Variants in RNF144B observed in about 807,000 individuals in gnomAD.
RNF144B encodes E3 ubiquitin-protein ligase RNF144B.
In RNF144B, 25 loss-of-function variants were observed where a neutral mutation model predicts 40.2. The observed-to-expected ratio is 0.62, with a 90% CI of 0.45 to 0.87. The LOEUF (loss-of-function observed/expected upper bound fraction) is 0.87, where lower values mean the gene tolerates loss of function less well. RNF144B is among the 40% of genes least tolerant of loss of function. The pLI is 0.00. For missense variants in RNF144B, 365 were observed against 373.7 expected (o/e 0.98, Z 0.19); for synonymous variants, 145 against 136.3 (o/e 1.06, Z -0.44).
chr6:18,458,586 C>T lies in RNF144B; in HGVS notation c.537-1021C>T, dbSNP rs181619466. Among the ~76,000 whole-genome samples, 19 of 152,188 alleles carry T rather than the reference C, an allele frequency of 1.2e-4. No individual in the cohort carries two copies. The East Asian group carries it at 1.7e-3, about 14-fold the overall frequency. ...AAGCTCCGTGGGTATCACAGGGCAA[C>T]GTAAAGAACTCAGAGGATAGGAGGA... On this transcript the variant is annotated intron_variant, in intron 5 of 7. Transcript: ENST00000259939. The surrounding 1 kb of genome is among the most constrained non-coding windows in gnomAD (Gnocchi z 4.8).
intron 4 of RNF144B, among the ~76,000 whole-genome samples, chr6:18,452,002 A>G (rs924719287): frequency 6.6e-6 from 1 of 152,192 alleles, no homozygotes; most frequent in Non-Finnish European, 1.5e-5. Flanking sequence ...AGAAATCATA[A>G]CATACTTTCA....
At position 18,459,171 on chromosome 6, in the gene RNF144B, T is replaced by G. The variant is rs1427907327; in HGVS notation, c.537-436T>G. Among the ~76,000 whole-genome samples, 3 of 152,212 alleles carry G rather than the reference T, an allele frequency of 2.0e-5. No individual in the cohort carries two copies. The highest frequency in any genetic ancestry group is 4.4e-5 in the Non-Finnish European group (3 of 68,038). On this transcript the variant is annotated intron_variant, in intron 5 of 7. Transcript: ENST00000259939. The surrounding 1 kb of genome is among the most constrained non-coding windows in gnomAD (Gnocchi z 4.2). ...TCTATTCGTCTGTTTGGAGAAGGTC[T>G]TTTGAAAGTATTTGACATTATTTTA...
chr6:18,422,460 G>A lies in RNF144B; in HGVS notation c.166-5121G>A, dbSNP rs1379703152. Among the ~76,000 whole-genome samples, 1 of 152,144 alleles carries A rather than the reference G, an allele frequency of 6.6e-6. No homozygotes were observed. The highest frequency in any genetic ancestry group is 6.6e-5 in the Admixed American group (1 of 15,258). ...CCTGGAGTGATAAAAAGCAAAACAG[G>A]TACTCAAGACCTGTCTGGGCTTTGG... is the stretch of plus-strand genomic sequence containing the variant. On this transcript the variant is annotated intron_variant, in intron 2 of 7. Coordinates refer to ENST00000259939, the MANE Select transcript of RNF144B (RefSeq NM_182757.4). The surrounding 1 kb of genome is among the most constrained non-coding windows in gnomAD (Gnocchi z 4.7).
intron 3 of RNF144B, among the ~76,000 whole-genome samples, chr6:18,427,976 T>A (rs1390055424): frequency 1.3e-5 from 2 of 152,170 alleles, no homozygotes; most frequent in Non-Finnish European, 2.9e-5. Flanking sequence ...CTGATATGAT[T>A]TGGCTCTGTG....
rs1795058009 is a variant in RNF144B, at chr6:18,412,078, A to G, written c.165+12379A>G. Among the ~76,000 whole-genome samples the G allele has an allele frequency of 6.6e-6, 1 of 152,162 alleles. No individual in the cohort carries two copies. Among genetic ancestry groups the G allele is most frequent in the Non-Finnish European group, 1.5e-5 (1 of 68,030 alleles). ...TTATGAATACATTTTTTTTACTTATATAAATGTGAAAATACCTGTCCTTAG... is the reference window on the plus strand; with the variant it reads ...TTATGAATACATTTTTTTTACTTATGTAAATGTGAAAATACCTGTCCTTAG... On this transcript the variant is annotated intron_variant, in intron 2 of 7. Coordinates refer to ENST00000259939, the MANE Select transcript of RNF144B (RefSeq NM_182757.4). This position sits in a 1 kb window ranked among gnomAD's most constrained non-coding sequence, Gnocchi z 4.2.
rs1227242760 is a variant in RNF144B, at chr6:18,418,584, A to T, written c.166-8997A>T. The stretch of plus-strand genomic sequence containing the variant: ...TGTGCATGGAGGATCTGGGGGAGAA[A>T]TGGGGAGCATGTACTAATGGGCACA... On this transcript the variant is annotated intron_variant, in intron 2 of 7. Transcript: ENST00000259939. This position sits in a 1 kb window ranked among gnomAD's most constrained non-coding sequence, Gnocchi z 5.2. Among the ~76,000 whole-genome samples the T allele has an allele frequency of 6.6e-6, 1 of 152,062 alleles. No homozygotes were observed. The highest frequency in any genetic ancestry group is 1.5e-5 in the Non-Finnish European group (1 of 67,994).
chr6:18,461,503 G>A (rs1023369755), intron 6 of RNF144B, among the ~76,000 whole-genome samples: 2 of 152,222 alleles, frequency 1.3e-5, no homozygotes, highest in African/African-American at 4.8e-5. Context: ...AGGCCAGAGT[G>A]TAAGGGAACA....
chr6:18,445,719 CT>C (rs998560757), intron 4 of RNF144B, among the ~76,000 whole-genome samples: 4 of 152,098 alleles, frequency 2.6e-5, no homozygotes, highest in African/African-American at 9.7e-5. Context: ...GATTTCTGAA[CT>C]TTTTCCCATC....
Position 18,434,936 on chromosome 6 carries a change from A to G in RNF144B, c.271-4748A>G, listed in dbSNP as rs1481650235. 6.6e-6 allele frequency among the ~76,000 whole-genome samples: 1 copy of G among 152,212 alleles called. No homozygotes were observed. The highest frequency in any genetic ancestry group is 1.5e-5 in the Non-Finnish European group (1 of 68,038). ...TTGCCTGGCCAGAATTGAGTATTTAATAAGGATCATAAGGTTCATTTTTAT... is the reference window on the plus strand; with the variant it reads ...TTGCCTGGCCAGAATTGAGTATTTAGTAAGGATCATAAGGTTCATTTTTAT... On this transcript the variant is annotated intron_variant, in intron 3 of 7. Coordinates refer to ENST00000259939, the MANE Select transcript of RNF144B (RefSeq NM_182757.4). The surrounding 1 kb of genome is among the most constrained non-coding windows in gnomAD (Gnocchi z 4.1).
At chr6:18,463,183 T>A in intron 6 of RNF144B, 108 bp from the exon 7 acceptor site, 1 of 694,388 alleles carries the variant, frequency 1.4e-6, no homozygotes, top group South Asian at 1.7e-5. Flanking sequence ...GGGTCACTGA[T>A]ATCACCAGAG....
At chr6:18,403,608 C>T (rs1249877197) in intron 2 of RNF144B, among the ~76,000 whole-genome samples, 1 of 152,162 alleles carries the variant, frequency 6.6e-6, no homozygotes, top group East Asian at 1.9e-4. Flanking sequence ...TTAGACCAAG[C>T]CGTTCTTTCC....
rs1339790172 is a variant in RNF144B at position 18,444,891 on chromosome 6, TATG to T, written c.331+5150_331+5152del. Among the ~76,000 whole-genome samples the T allele has an allele frequency of 6.6e-6, 1 of 152,224 alleles. No individual in the cohort carries two copies. Among genetic ancestry groups the T allele is most frequent in the Non-Finnish European group, 1.5e-5 (1 of 68,038 alleles). On this transcript the variant is annotated intron_variant, in intron 4 of 7. Transcript: ENST00000259939. The surrounding 1 kb of genome is among the most constrained non-coding windows in gnomAD (Gnocchi z 4.3). The stretch of plus-strand genomic sequence containing the variant: ...TCCTTTCATTTCATGTCTTCACATT[TATG>T]ATATTACTCTAGTTTCACCTTGCTC...
chr6:18,415,987 T>C (rs1285388042), intron 2 of RNF144B, among the ~76,000 whole-genome samples: 1 of 152,122 alleles, frequency 6.6e-6, no homozygotes, highest in Non-Finnish European at 1.5e-5. Flanking sequence ...GAATCCGTGG[T>C]ATGCTTATTC....
At chr6:18,428,487 C>A (rs544973897) in intron 3 of RNF144B, among the ~76,000 whole-genome samples, 2 of 147,686 alleles carry the variant, frequency 1.4e-5, no homozygotes, top group South Asian at 4.2e-4. Context: ...CATCTGAAAT[C>A]TTTTTCTTTT....
At chr6:18,417,406 C>CATAA (rs1364081764) in intron 2 of RNF144B, among the ~76,000 whole-genome samples, 1 of 152,002 alleles carries the variant, frequency 6.6e-6, no homozygotes, top group Non-Finnish European at 1.5e-5. Context: ...ATTGAGAGTC[C>CATAA]ATAAATAAAT....
rs752517908 is a variant in RNF144B, at chr6:18,414,009, A to G, written c.166-13572A>G. ...ATATGAAGCCCCTTGACTTCTAAAA[A>G]CTTGCTTTTTAGAAAATGTTAAAAA... is the stretch of plus-strand genomic sequence containing the variant. On this transcript the variant is annotated intron_variant, in intron 2 of 7. Transcript: ENST00000259939. The surrounding 1 kb of genome is among the most constrained non-coding windows in gnomAD (Gnocchi z 4.9). 2.6e-4 allele frequency among the ~76,000 whole-genome samples: 40 copies of G among 152,100 alleles called. No homozygotes were observed. Among genetic ancestry groups the G allele is most frequent in the Non-Finnish European group, 5.3e-4 (36 of 68,028 alleles).
chr6:18,426,310 T>C (rs1258911933), intron 2 of RNF144B, among the ~76,000 whole-genome samples: 1 of 152,228 alleles, frequency 6.6e-6, no homozygotes, highest in Admixed American at 6.5e-5. Context: ...TGGAATGTAC[T>C]CCTCAACATT....
intron 3 of RNF144B, among the ~76,000 whole-genome samples, chr6:18,435,645 G>A (rs937901684): frequency 1.3e-5 from 2 of 152,056 alleles, no homozygotes; most frequent in African/African-American, 2.4e-5. Flanking sequence ...AGAGAAGCTG[G>A]CAGATACCAC....
intron 1 of RNF144B, among the ~76,000 whole-genome samples, chr6:18,390,677 T>A (rs2113450177): frequency 6.6e-6 from 1 of 152,378 alleles, no homozygotes; most frequent in Non-Finnish European, 1.5e-5. Flanking sequence ...GTTCTTTGTT[T>A]TTCTTGGGAA....
Sources: gnomAD v4.1 joint callset for allele counts (sites outside exome capture counted in the v4.1 genomes callset) on GRCh38, gnomAD v4.1.1 for gene constraint, Gnocchi (gnomAD v3.1) non-coding constraint, MANE v1.5 for transcripts, NCBI Gene and HGNC (gene_info 2026-07-23, HGNC 2026-07-21) for gene names.